Variants in GDF6 observed in about 807,000 individuals in gnomAD.
GDF6 encodes growth differentiation factor 6, also known as growth/differentiation factor 6.
GDF6 carries 3 observed loss-of-function variants against 32.4 expected under a neutral mutation model. That is an observed-to-expected ratio of 0.09 (90% CI 0.04 to 0.24). The LOEUF (loss-of-function observed/expected upper bound fraction) is 0.24. Among genes scored for constraint, GDF6 ranks in the 10% least tolerant of loss-of-function variants. The probability of loss-of-function intolerance (pLI) is 1.00; values close to 1 mark genes in which losing one functional copy is unlikely to be tolerated. For synonymous variants in GDF6, 296 were observed against 295.3 expected (o/e 1.00, Z -0.03); for missense variants, 589 against 637.9 (o/e 0.92, Z 0.83).
intron 1 of GDF6, among the ~76,000 whole-genome samples, chr8:96,156,740 C>T (rs1812672034): frequency 6.6e-6 from 1 of 152,152 alleles, no homozygotes; most frequent in Admixed American, 6.5e-5. Flanking sequence ...AAAATAAGAA[C>T]AGGAGGAAGC....
chr8:96,145,091 TACC>T lies in GDF6; in HGVS notation c.837_839del (p.Val280del). 1 of 1,520,274 alleles carries T rather than the reference TACC, an allele frequency of 6.6e-7. No homozygotes were observed. The highest frequency in any genetic ancestry group is 8.7e-7 in the Non-Finnish European group (1 of 1,143,252). The allele number at this position is 1,520,274 out of a possible 1,614,324, so 94.2% of individuals were successfully genotyped here. On this transcript the variant is annotated inframe_deletion, in exon 2 of 2. Transcript: ENST00000287020. This position sits in a 1 kb window ranked among gnomAD's most constrained non-coding sequence, Gnocchi z 5.6. ...GGTTCTTGCGCTGGGATCTGGTGAA[TACC>T]ACCAGCAGGGCCCGCTCCTGGGGAG...
Position 96,145,660 on chromosome 8 carries a change from C to T in GDF6, c.407-136G>A. 1 of 994,496 alleles carries T rather than the reference C, an allele frequency of 1.0e-6. No homozygotes were observed. 61.6% of individuals were successfully genotyped at this position (994,496 alleles called of 1,614,324 possible). A position where few individuals can be genotyped will look rare whatever the true frequency, so the allele number is the denominator to read the frequency against. ...GCAGTCCAGCTTGCCCGGCCCAGGG[C>T]CTGACCACCCCGGCTCCCCATCTGG... On this transcript the variant is annotated intron_variant, in intron 1 of 1. Transcript: ENST00000287020. The surrounding 1 kb of genome is among the most constrained non-coding windows in gnomAD (Gnocchi z 5.6).
chr8:96,156,009 G>T (rs776779794), intron 1 of GDF6, among the ~76,000 whole-genome samples: 10 of 152,152 alleles, frequency 6.6e-5, no homozygotes. Context: ...TTCCCAGAAT[G>T]GTCCTGCTCT....
Position 96,144,289 on chromosome 8 carries a change from A to AGAGAGAGAGAGAGAGAGAGG in GDF6, c.*273_*274insCCTCTCTCTCTCTCTCTCTC, listed in dbSNP as rs1370445465. 8 of 495,708 alleles carry AGAGAGAGAGAGAGAGAGAGG rather than the reference A, an allele frequency of 1.6e-5. 1 individual carries two copies. The African/African-American group carries it at 1.7e-4, about 10-fold the overall frequency. The allele number at this position is 495,708 out of a possible 1,614,324, so 30.7% of individuals were successfully genotyped here. ...GAGAGAGAGAGAGAGAGAGAGAGAG[A>AGAGAGAGAGAGAGAGAGAGG]GAAAACAGAACAAAAGAAATCCTCC... is the stretch of plus-strand genomic sequence containing the variant. On this transcript the variant is annotated 3_prime_UTR_variant, in exon 2 of 2. Transcript: ENST00000287020. This position sits in a 1 kb window ranked among gnomAD's most constrained non-coding sequence, Gnocchi z 5.1.
Position 96,145,618 on chromosome 8 carries a change from G to A in GDF6, c.407-94C>T, listed in dbSNP as rs1312168510. ...CCCCGGGAGGAAAAGGGCGGGGAGT[G>A]GGGGCAGGTCGGCCGGGCAGTCCAG... On this transcript the variant is annotated intron_variant, in intron 1 of 1. Transcript: ENST00000287020. The surrounding 1 kb of genome is among the most constrained non-coding windows in gnomAD (Gnocchi z 5.6). 6.6e-7 allele frequency: 1 copy of A among 1,506,074 alleles called. No homozygotes were observed. Among genetic ancestry groups the A allele is most frequent in the African/African-American group, 1.4e-5 (1 of 72,942 alleles). 93.3% of individuals were successfully genotyped at this position (1,506,074 alleles called of 1,614,324 possible).
chr8:96,145,536 A>G lies in GDF6; in HGVS notation c.407-12T>C. ...GTGCGAGAGATCGTCTGCGAGATAAAAAATAATTACAGTCAGTTTCACTTA... is the reference window on the plus strand; with the variant it reads ...GTGCGAGAGATCGTCTGCGAGATAAGAAATAATTACAGTCAGTTTCACTTA... On this transcript the variant is annotated splice_polypyrimidine_tract_variant and intron_variant, in intron 1 of 1. Transcript: ENST00000287020. The surrounding 1 kb of genome is among the most constrained non-coding windows in gnomAD (Gnocchi z 5.6). 1.3e-6 allele frequency: 2 copies of G among 1,597,714 alleles called. No homozygotes were observed. Among genetic ancestry groups the G allele is most frequent in the African/African-American group, 2.7e-5 (2 of 75,036 alleles).
At chr8:96,151,969 C>T (rs769170390) in intron 1 of GDF6, among the ~76,000 whole-genome samples, 3 of 152,138 alleles carry the variant, frequency 2.0e-5, no homozygotes, top group African/African-American at 2.4e-5. Flanking sequence ...TACATAGAGA[C>T]GTCCAGTGAA....
chr8:96,157,761 G>A (rs1013955516), intron 1 of GDF6, among the ~76,000 whole-genome samples: 11 of 152,158 alleles, frequency 7.2e-5, no homozygotes, highest in African/African-American at 2.7e-4. Flanking sequence ...ACGAGACACC[G>A]TTTGATGTGT....
intron 1 of GDF6, among the ~76,000 whole-genome samples, chr8:96,148,103 G>A (rs1286402783): frequency 1.3e-5 from 2 of 152,322 alleles, no homozygotes; most frequent in East Asian, 3.8e-4. Context: ...TGCAGCCTTA[G>A]GATTTCTGAT....
intron 1 of GDF6, among the ~76,000 whole-genome samples, chr8:96,150,458 G>A (rs1812550047): frequency 6.6e-6 from 1 of 152,244 alleles, no homozygotes; most frequent in South Asian, 2.1e-4. Flanking sequence ...GCCAGCAGCA[G>A]CATTGAGCGC....
At position 96,160,563 on chromosome 8, in the gene GDF6, G is replaced by T. The variant is rs752112002; in HGVS notation, c.130C>A (p.Arg44=). The change falls in exon 1 of 2, where the codon CGA becomes AGA. Residue 44 remains arginine, a synonymous_variant. Coordinates refer to ENST00000287020, the MANE Select transcript of GDF6 (RefSeq NM_001001557.4). ...SAELGSTKGM[R]SRKEGKMQRA... ...TGCATCTTGCCTTCCTTGCGGCTTC[G>T]CATGCCCTTGGTGGAACCCAGCTCG... 2 of 1,613,604 alleles carry T rather than the reference G, an allele frequency of 1.2e-6. No individual in the cohort carries two copies. Among genetic ancestry groups the T allele is most frequent in the African/African-American group, 1.3e-5 (1 of 75,048 alleles).
intron 1 of GDF6, among the ~76,000 whole-genome samples, chr8:96,150,641 G>C (rs932915078): frequency 6.6e-6 from 1 of 152,270 alleles, no homozygotes; most frequent in Non-Finnish European, 1.5e-5. Context: ...GCAAGGGACA[G>C]ATGTTGAAGG....
chr8:96,148,494 G>A (rs1202913633), intron 1 of GDF6, among the ~76,000 whole-genome samples: 1 of 152,222 alleles, frequency 6.6e-6, no homozygotes, highest in Non-Finnish European at 1.5e-5. Context: ...CATCACATAG[G>A]CGCTTGCTAG....
chr8:96,159,225 C>T (rs1033771174), intron 1 of GDF6, among the ~76,000 whole-genome samples: 1 of 152,202 alleles, frequency 6.6e-6, no homozygotes, highest in Non-Finnish European at 1.5e-5. Context: ...CTTCTCTTTA[C>T]TCTTCCTTTC....
At chr8:96,148,283 GCA>G (rs560058859) in intron 1 of GDF6, among the ~76,000 whole-genome samples, 36 of 152,210 alleles carry the variant, frequency 2.4e-4, no homozygotes, top group Non-Finnish European at 4.7e-4. Flanking sequence ...TTAAAGCTGT[GCA>G]CAGTTTCACA....
rs767572263 is a variant in GDF6 at position 96,145,387 on chromosome 8, C to G, written c.544G>C (p.Gly182Arg). 64 of 1,574,400 alleles carry G rather than the reference C, an allele frequency of 4.1e-5. No homozygotes were observed. The highest frequency in any genetic ancestry group is 5.4e-5 in the Admixed American group (3 of 55,932). Residue 182 changes from glycine (G) to arginine (R), a missense_variant, in exon 2 of 2, where the codon GGG becomes CGG. Gly to Arg is a moderately radical substitution (Grantham distance 125). Around this residue, in one of 2 missense-constraint regions of GDF6, gnomAD observed 436 missense variants for 411.2 expected, o/e 1.06. Coordinates refer to ENST00000287020, the MANE Select transcript of GDF6 (RefSeq NM_001001557.4). This position sits in a 1 kb window ranked among gnomAD's most constrained non-coding sequence, Gnocchi z 5.6. ...APSAPWGPPAGPLHVQLFPCL... is the reference protein window; with the variant it reads ...APSAPWGPPARPLHVQLFPCL... ...GGGAAGAGCTGCACGTGGAGCGGCC[C>G]GGCTGGTGGCCCCCAGGGCGCTGAG...
Position 96,143,069 on chromosome 8 carries a change from G to C in GDF6, c.*1494C>G, listed in dbSNP as rs905053234. ...GGAAAGTTCATGTTTTTGACTATCT[G>C]GGAATGGGTATTTCAATTTCACTGT... On this transcript the variant is annotated 3_prime_UTR_variant, in exon 2 of 2. Transcript: ENST00000287020. 2 of 152,200 alleles carry C rather than the reference G, an allele frequency of 1.3e-5. No individual in the cohort carries two copies. Among genetic ancestry groups the C allele is most frequent in the Non-Finnish European group, 2.9e-5 (2 of 68,058 alleles). The allele number at this position is 152,200 out of a possible 1,614,324, so 9.4% of individuals were successfully genotyped here.
At chr8:96,151,988 A>G (rs917345009) in intron 1 of GDF6, among the ~76,000 whole-genome samples, 2 of 152,144 alleles carry the variant, frequency 1.3e-5, no homozygotes, top group Non-Finnish European at 1.5e-5. Flanking sequence ...AATGCAGCCA[A>G]TATTTCTGTG....
intron 1 of GDF6, among the ~76,000 whole-genome samples, chr8:96,147,439 T>A (rs1392118454): frequency 1.3e-5 from 2 of 152,224 alleles, no homozygotes; most frequent in Non-Finnish European, 2.9e-5. Context: ...GCCTTAGGCT[T>A]GGCTTCCTGC....
Sources: gnomAD v4.1 joint callset for allele counts (sites outside exome capture counted in the v4.1 genomes callset) on GRCh38, gnomAD v4.1.1 for gene constraint, gnomAD v4.1.1 regional missense constraint, Gnocchi (gnomAD v3.1) non-coding constraint, MANE v1.5 for transcripts, NCBI Gene and HGNC (gene_info 2026-07-23, HGNC 2026-07-21) for gene names.